Variants in KIRREL1 observed in about 807,000 individuals in gnomAD.
The protein encoded by KIRREL1 is kirre like nephrin family adhesion molecule 1, also known as kin of IRRE-like protein 1.
Under a neutral mutation model 83.3 loss-of-function variants are expected in KIRREL1, and 25 were observed. The observed-to-expected ratio is 0.30, with a 90% CI of 0.22 to 0.42. The LOEUF is 0.42. Ranked by LOEUF, KIRREL1 falls within the 10% of genes least tolerant of loss-of-function variation. The pLI, the probability that KIRREL1 is intolerant of heterozygous loss-of-function variation, is 1.00. For synonymous variants in KIRREL1, 388 were observed against 410.4 expected, an observed-to-expected ratio of 0.95 and a Z score of 0.66; for missense variants, 812 against 1,032.3, an observed-to-expected ratio of 0.79 and a Z score of 2.92.
chr1:158,001,684 G>A (rs748709373), intron 1 of KIRREL1, among the ~76,000 whole-genome samples: 3 of 152,136 alleles, frequency 2.0e-5, no homozygotes, highest in Non-Finnish European at 4.4e-5. Flanking sequence ...CTTACCAGAT[G>A]GGCCAGACTT....
At chr1:158,053,392 T>A (rs560430571) in intron 1 of KIRREL1, among the ~76,000 whole-genome samples, 1 of 152,290 alleles carries the variant, frequency 6.6e-6, no homozygotes, top group South Asian at 2.1e-4. Flanking sequence ...CATCTTAAGG[T>A]TGCCATGCAC....
intron 1 of KIRREL1, among the ~76,000 whole-genome samples, chr1:158,033,453 C>T (rs6665788): frequency 0.82 from 124,765 of 152,146 alleles, 52,240 homozygotes; most frequent in Non-Finnish European, 0.9. Context: ...CATGAGTGGC[C>T]GCCTTCCCTT....
chr1:158,094,332 A>G lies in KIRREL1; in HGVS notation c.1739A>G (p.Asp580Gly). 1 of 1,546,504 alleles carries G rather than the reference A, an allele frequency of 6.5e-7. No homozygotes were observed. Among genetic ancestry groups the G allele is most frequent in the Non-Finnish European group, 8.9e-7 (1 of 1,129,786 alleles). Residue 580 changes from aspartate to glycine, a missense_variant, in exon 14 of 15, where the codon GAT (aspartate) becomes GGT (glycine). Physicochemically the swap from Asp to Gly is moderately conservative, Grantham distance 94. This residue lies in a region of KIRREL1 where 334 missense variants were observed against 383.7 expected (regional missense o/e 0.87). Transcript: ENST00000359209. This position sits in a 1 kb window ranked among gnomAD's most constrained non-coding sequence, Gnocchi z 4.6. ...CCACAGTCGTTTAAGGATGATGTGG[A>G]TCTGAAGCAGGACCTGCGCTGCGAC... ...AIYSSFKDDV[D>G]LKQDLRCDTI...
chr1:158,093,178 T>C (rs1215712629), intron 11 of KIRREL1, among the ~76,000 whole-genome samples, 161 bp from the exon 12 acceptor site: 1 of 152,166 alleles, frequency 6.6e-6, no homozygotes. Flanking sequence ...TAATCCAACC[T>C]TGACTTAAAC....
Position 158,024,999 on chromosome 1 carries a change from G to A in KIRREL1, c.52+31271G>A, listed in dbSNP as rs1180565143. Among the ~76,000 whole-genome samples, 5 of 152,340 alleles carry A rather than the reference G, an allele frequency of 3.3e-5. No homozygotes were observed. The South Asian group carries it at 6.2e-4, about 19-fold the overall frequency. ...TGTGGCTGGCAGACATCCTGTCCCC[G>A]AGGGACCCATGGACACTCAAAGCCT... On this transcript the variant is annotated intron_variant, in intron 1 of 14. Transcript: ENST00000359209.
rs748418027 is a variant in KIRREL1, at chr1:158,093,711, T to C, written c.1668T>C (p.Asp556=). 6.2e-5 allele frequency: 100 copies of C among 1,614,040 alleles called. 1 individual carries two copies. In the South Asian group the frequency reaches 1.0e-3, roughly 17 times the overall value. ...TTACGATGCATTCTGACCGGGAGGATGACACCGCCAGCGTCTCCACAGCAA... is the reference window on the plus strand; with the variant it reads ...TTACGATGCATTCTGACCGGGAGGACGACACCGCCAGCGTCTCCACAGCAA... ...EPLTMHSDRE[D]DTASVSTATR... The change falls in exon 13 of 15, where the codon GAT becomes GAC. Residue 556 remains aspartate, a synonymous_variant. Coordinates refer to ENST00000359209, the MANE Select transcript of KIRREL1 (RefSeq NM_018240.7).
intron 1 of KIRREL1, among the ~76,000 whole-genome samples, chr1:158,010,361 A>ACACACC (rs1491267940): frequency 5.0e-4 from 26 of 51,592 alleles, no homozygotes; most frequent in African/African-American, 1.1e-3. Context: ...ACACACACAC[A>ACACACC]CCCCACACAG....
In KIRREL1 at chr1:158,029,367, GCAC is replaced by G. The variant is rs1356311096; in HGVS notation, c.52+35640_52+35642del. Among the ~76,000 whole-genome samples, 105 of 146,136 alleles carry G rather than the reference GCAC, an allele frequency of 7.2e-4. 2 individuals carry two copies. Among genetic ancestry groups the G allele is most frequent in the African/African-American group, 2.0e-3 (79 of 38,628 alleles). Reference sequence around the variant, plus strand: ...TGTGTGTGTGTGTGTGTGTGTGTGTGCACGTGCGCGCGCATGCACACATGCATG... The same window carrying G: ...TGTGTGTGTGTGTGTGTGTGTGTGTGGTGCGCGCGCATGCACACATGCATG... On this transcript the variant is annotated intron_variant, in intron 1 of 14. Coordinates refer to ENST00000359209, the MANE Select transcript of KIRREL1 (RefSeq NM_018240.7).
chr1:157,996,564 G>A (rs999308303), intron 1 of KIRREL1, among the ~76,000 whole-genome samples: 4 of 152,048 alleles, frequency 2.6e-5, no homozygotes, highest in Admixed American at 6.5e-5. Context: ...AAAGGGAGGA[G>A]GCCCGAGGGC....
At chr1:158,065,261 C>G (rs1202083490) in intron 1 of KIRREL1, among the ~76,000 whole-genome samples, 1 of 152,172 alleles carries the variant, frequency 6.6e-6, no homozygotes, top group Non-Finnish European at 1.5e-5. Flanking sequence ...GGCTTCCAGC[C>G]TGTTGCGGGG....
chr1:158,093,323 C>G lies in KIRREL1; in HGVS notation c.1472-16C>G. 6.2e-7 allele frequency: 1 copy of G among 1,607,566 alleles called. No individual in the cohort carries two copies. The highest frequency in any genetic ancestry group is 1.7e-4 in the Middle Eastern group (1 of 6,050). On this transcript the variant is annotated splice_polypyrimidine_tract_variant and intron_variant, in intron 11 of 14. Transcript: ENST00000359209. ...ACTCCAGCCTCACCCCTCCACCTTT[C>G]CTTCCCCATCGAAAGAGGTGTTACC...
At chr1:158,038,932 C>G (rs1395616680) in intron 1 of KIRREL1, among the ~76,000 whole-genome samples, 1 of 152,212 alleles carries the variant, frequency 6.6e-6, no homozygotes, top group Admixed American at 6.5e-5. Context: ...CAGAGTTCCA[C>G]AGACTATAAA....
chr1:158,004,648 A>T (rs1197555021), intron 1 of KIRREL1, among the ~76,000 whole-genome samples: 3 of 152,146 alleles, frequency 2.0e-5, no homozygotes, highest in African/African-American at 7.2e-5. Context: ...CCATCATTTT[A>T]AACCCTGTCT....
chr1:158,083,761 C>T (rs547426002), intron 3 of KIRREL1, among the ~76,000 whole-genome samples: 182 of 152,300 alleles, frequency 1.2e-3, no homozygotes, highest in African/African-American at 4.1e-3. Context: ...GAGCTGTACT[C>T]AGGGCCTGAG....
chr1:158,014,838 T>C (rs949430911), intron 1 of KIRREL1, among the ~76,000 whole-genome samples: 1 of 152,024 alleles, frequency 6.6e-6, no homozygotes, highest in African/African-American at 2.4e-5. Flanking sequence ...GCCCTCTAGA[T>C]CTCTGAATTG....
At chr1:158,079,909 G>A (rs1245112227) in intron 3 of KIRREL1, among the ~76,000 whole-genome samples, 1 of 152,224 alleles carries the variant, frequency 6.6e-6, no homozygotes, top group Non-Finnish European at 1.5e-5. Flanking sequence ...AGTGAGGACT[G>A]GAGGGACCCA....
At chr1:158,058,657 T>A (rs11801781) in intron 1 of KIRREL1, among the ~76,000 whole-genome samples, 1 of 152,158 alleles carries the variant, frequency 6.6e-6, no homozygotes, top group Admixed American at 6.5e-5. Context: ...AAGGTCTTTA[T>A]AGCAAGAAAT....
chr1:158,085,929 T>C (rs960659692), intron 4 of KIRREL1, among the ~76,000 whole-genome samples: 12 of 152,146 alleles, frequency 7.9e-5, no homozygotes, highest in Non-Finnish European at 2.9e-5. Context: ...AGGTTGGATG[T>C]GTCTAGAGCT....
At chr1:158,072,840 G>T (rs1407166701) in intron 1 of KIRREL1, among the ~76,000 whole-genome samples, 1 of 149,132 alleles carries the variant, frequency 6.7e-6, no homozygotes, top group African/African-American at 2.5e-5. Flanking sequence ...GAGCAGTGAG[G>T]TGCAGGCCTC....
Sources: gnomAD v4.1 joint callset for allele counts (sites outside exome capture counted in the v4.1 genomes callset) on GRCh38, gnomAD v4.1.1 for gene constraint, gnomAD v4.1.1 regional missense constraint, Gnocchi (gnomAD v3.1) non-coding constraint, MANE v1.5 for transcripts, NCBI Gene and HGNC (gene_info 2026-07-23, HGNC 2026-07-21) for gene names.